Variants in FOXP1 observed in about 807,000 individuals in gnomAD.
FOXP1 encodes the protein forkhead box protein P1.
Under a neutral mutation model 98.2 loss-of-function variants are expected in FOXP1, and 15 were observed. That is an observed-to-expected ratio of 0.15 (90% CI 0.10 to 0.24). The LOEUF (loss-of-function observed/expected upper bound fraction) is 0.24, where lower values mean the gene tolerates loss of function less well. FOXP1 is among the 10% of genes least tolerant of loss of function. The pLI, the probability that FOXP1 is intolerant of heterozygous loss-of-function variation, is 1.00. For missense variants in FOXP1, 633 were observed against 848.5 expected (o/e 0.75, Z 3.15); for synonymous variants, 371 against 314.5 (o/e 1.18, Z -1.90).
intron 6 of FOXP1, among the ~76,000 whole-genome samples, chr3:71,162,575 G>A (rs897489315): frequency 2.0e-5 from 3 of 152,154 alleles, no homozygotes; most frequent in Non-Finnish European, 4.4e-5. Flanking sequence ...AGCAGAGAAC[G>A]TCATAAACAA....
chr3:71,153,718 C>T (rs1365885972), intron 6 of FOXP1, among the ~76,000 whole-genome samples: 1 of 151,998 alleles, frequency 6.6e-6, no homozygotes, highest in African/African-American at 2.4e-5. Flanking sequence ...AAAATAAATC[C>T]ACTCAAAGCT....
intron 3 of FOXP1, among the ~76,000 whole-genome samples, chr3:71,474,834 G>A (rs1447830444): frequency 6.6e-6 from 1 of 151,994 alleles, no homozygotes; most frequent in Non-Finnish European, 1.5e-5. Context: ...ATAAAGTGCA[G>A]AATAAATGTT....
At chr3:71,252,133 TC>T (rs2068244871) in intron 5 of FOXP1, among the ~76,000 whole-genome samples, 1 of 152,178 alleles carries the variant, frequency 6.6e-6, no homozygotes, top group Non-Finnish European at 1.5e-5. Context: ...TCTCTTTCTC[TC>T]TCTCTCACCG....
At chr3:71,519,349 T>G (rs1306956462) in intron 2 of FOXP1, among the ~76,000 whole-genome samples, 1 of 152,210 alleles carries the variant, frequency 6.6e-6, no homozygotes, top group African/African-American at 2.4e-5. Flanking sequence ...TGCGGAGACT[T>G]TACATAGTAC....
intron 20 of FOXP1, among the ~76,000 whole-genome samples, chr3:70,962,159 T>A (rs1373791239): frequency 1.3e-5 from 2 of 152,244 alleles, no homozygotes; most frequent in East Asian, 1.9e-4. Context: ...TGCTATTTTT[T>A]AAATTTTCCT....
chr3:70,970,631 C>G (rs146172472), intron 19 of FOXP1, 105 bp downstream of exon 19: 17 of 1,003,486 alleles, frequency 1.7e-5, no homozygotes, highest in Non-Finnish European at 2.7e-5. Flanking sequence ...AAAAGTTTAA[C>G]GGAATTAAAA....
chr3:71,100,046 T>C (rs1260739515), intron 7 of FOXP1, among the ~76,000 whole-genome samples: 2 of 152,180 alleles, frequency 1.3e-5, no homozygotes, highest in African/African-American at 4.8e-5. Context: ...AAAAGACCTC[T>C]CCACTCTGAC....
chr3:71,283,155 T>C (rs2071744128), intron 5 of FOXP1, among the ~76,000 whole-genome samples: 1 of 152,172 alleles, frequency 6.6e-6, no homozygotes, highest in Non-Finnish European at 1.5e-5. Flanking sequence ...GGAAGTGCAC[T>C]TTCCTTTCAA....
At chr3:71,464,868 C>G (rs547386724) in intron 3 of FOXP1, among the ~76,000 whole-genome samples, 2 of 152,190 alleles carry the variant, frequency 1.3e-5, no homozygotes, top group Admixed American at 1.3e-4. Context: ...CTCCAAACTG[C>G]CCCCCTTCCC....
intron 3 of FOXP1, among the ~76,000 whole-genome samples, chr3:71,452,091 A>G (rs1190046772): frequency 6.6e-6 from 1 of 152,164 alleles, no homozygotes; most frequent in African/African-American, 2.4e-5. Flanking sequence ...CGTACATGTC[A>G]TTGCCAAATA....
intron 3 of FOXP1, among the ~76,000 whole-genome samples, chr3:71,478,199 T>C (rs2090003008): frequency 1.3e-5 from 2 of 152,196 alleles, no homozygotes; most frequent in South Asian, 4.1e-4. Context: ...ACCACCTATC[T>C]TGGACCTCTA....
intron 2 of FOXP1, among the ~76,000 whole-genome samples, chr3:71,514,689 G>A (rs1185433657): frequency 1.3e-5 from 2 of 152,156 alleles, no homozygotes; most frequent in Non-Finnish European, 2.9e-5. Context: ...CATACAAGTT[G>A]AAAAAACAGA....
intron 5 of FOXP1, among the ~76,000 whole-genome samples, chr3:71,269,486 A>AT (rs1463961172): frequency 6.6e-6 from 1 of 152,192 alleles, no homozygotes; most frequent in Non-Finnish European, 1.5e-5. Context: ...AACCCAGTTG[A>AT]TTCAGTTTCA....
intron 7 of FOXP1, among the ~76,000 whole-genome samples, chr3:71,100,065 G>A (rs2056822845): frequency 6.6e-6 from 1 of 152,186 alleles, no homozygotes; most frequent in African/African-American, 2.4e-5. Context: ...ACATGGATCA[G>A]CATAGACTAT....
chr3:71,214,494 T>C (rs181746600), intron 5 of FOXP1, among the ~76,000 whole-genome samples: 1 of 152,244 alleles, frequency 6.6e-6, no homozygotes, highest in East Asian at 1.9e-4. Flanking sequence ...GATTCATTCA[T>C]CAACTAAACA....
At chr3:70,970,589 C>G in intron 19 of FOXP1, 147 bp downstream of exon 19, 4 of 759,440 alleles carry the variant, frequency 5.3e-6, no homozygotes, top group Non-Finnish European at 9.5e-6. Context: ...GTGTTTGCCT[C>G]CAGGGAGTAT....
intron 2 of FOXP1, among the ~76,000 whole-genome samples, chr3:71,525,961 C>T (rs998119821): frequency 1.3e-5 from 2 of 151,820 alleles, no homozygotes; most frequent in African/African-American, 4.8e-5. Flanking sequence ...ACTAAAAATA[C>T]AAAAACAAAA....
chr3:71,000,550 C>T (rs1381588852), intron 13 of FOXP1, among the ~76,000 whole-genome samples: 1 of 152,052 alleles, frequency 6.6e-6, no homozygotes, highest in Admixed American at 6.6e-5. Context: ...CTCAAACTCT[C>T]TTTCCCCAAG....
intron 5 of FOXP1, among the ~76,000 whole-genome samples, chr3:71,219,974 C>T (rs1221708733): frequency 1.3e-5 from 2 of 152,214 alleles, no homozygotes; most frequent in Non-Finnish European, 2.9e-5. Flanking sequence ...GTCTCTACCT[C>T]TCCGCCTCCA....
Sources: allele counts gnomAD v4.1 joint callset (sites outside exome capture counted in the v4.1 genomes callset), GRCh38; gene constraint gnomAD v4.1.1; transcripts MANE v1.5; gene names NCBI Gene and HGNC (gene_info 2026-07-23, HGNC 2026-07-21).